Variants in MACROD2 observed in about 807,000 individuals in gnomAD.
MACROD2 encodes mono-ADP ribosylhydrolase 2.
MACROD2 carries 36 observed loss-of-function variants against 70.4 expected under a neutral mutation model. The ratio of observed to expected loss-of-function variants is 0.51; its 90% confidence interval spans 0.39 to 0.68. The LOEUF is 0.68. MACROD2 is among the 30% of genes least tolerant of loss of function. The pLI is 0.00. For synonymous variants in MACROD2, 172 were observed against 178.8 expected, an observed-to-expected ratio of 0.96 and a Z score of 0.30; for missense variants, 496 against 538.4, an observed-to-expected ratio of 0.92 and a Z score of 0.78.
intron 8 of MACROD2, among the ~76,000 whole-genome samples, chr20:15,594,285 T>G (rs1463945076): frequency 6.6e-6 from 1 of 152,214 alleles, no homozygotes; most frequent in Admixed American, 6.5e-5. Flanking sequence ...AAGGCCTATT[T>G]GTGTTGCTGG....
rs143227175 is a variant in MACROD2, at chr20:14,143,961, C to T, written c.271+58233C>T. Among the ~76,000 whole-genome samples the T allele has an allele frequency of 8.4e-4, 128 of 152,256 alleles. 1 individual carries two copies. Among genetic ancestry groups the T allele is most frequent in the African/African-American group, 2.9e-3 (122 of 41,574 alleles). On this transcript the variant is annotated intron_variant, in intron 3 of 17. Coordinates refer to ENST00000684519, the MANE Select transcript of MACROD2 (RefSeq NM_001351661.2). ...CAAAATAATTAAGGTAATCAAGCCT[C>T]ACACTGGGCAAAGGTTTTTTTCCCT...
chr20:14,531,990 G>A lies in MACROD2; in HGVS notation c.301+38482G>A, dbSNP rs572467350. Reference sequence around the variant, plus strand: ...GCCAGCACTCGACGTTCACTGTGTGGACACATTCCAATGAGTTTTGTTTTT... The same window carrying A: ...GCCAGCACTCGACGTTCACTGTGTGAACACATTCCAATGAGTTTTGTTTTT... On this transcript the variant is annotated intron_variant, in intron 4 of 17. Transcript: ENST00000684519. Among the ~76,000 whole-genome samples, 13 of 152,244 alleles carry A rather than the reference G, an allele frequency of 8.5e-5. No individual in the cohort carries two copies. The East Asian group carries it at 2.5e-3, about 29-fold the overall frequency.
chr20:14,643,812 A>G (rs533250439), intron 4 of MACROD2, among the ~76,000 whole-genome samples: 2 of 152,268 alleles, frequency 1.3e-5, no homozygotes, highest in Admixed American at 6.5e-5. Flanking sequence ...ATGCCACAGT[A>G]CCTGAAACCT....
chr20:15,782,325 C>G (rs530266488), intron 8 of MACROD2, among the ~76,000 whole-genome samples: 14 of 152,124 alleles, frequency 9.2e-5, no homozygotes, highest in African/African-American at 3.4e-4. Flanking sequence ...CAAATACTTA[C>G]TATTTTCTTC....
At chr20:14,431,184 T>G in intron 3 of MACROD2, among the ~76,000 whole-genome samples, 1 of 152,062 alleles carries the variant, frequency 6.6e-6, no homozygotes, top group East Asian at 1.9e-4. Flanking sequence ...ATACATAAAT[T>G]TAATAATAGC....
intron 3 of MACROD2, among the ~76,000 whole-genome samples, chr20:14,482,178 C>T (rs1025470054): frequency 7.2e-5 from 11 of 151,726 alleles, no homozygotes; most frequent in African/African-American, 2.7e-4. Context: ...GCCAGGTCAG[C>T]TTCTGCATGA....
intron 3 of MACROD2, among the ~76,000 whole-genome samples, chr20:14,482,056 C>T (rs1236632030): frequency 1.3e-5 from 2 of 152,126 alleles, no homozygotes; most frequent in East Asian, 1.9e-4. Context: ...ATGAATCATA[C>T]AAGAGCTCAT....
intron 3 of MACROD2, chr20:14,337,638 T>G (rs2082963065): frequency 2.5e-6 from 1 of 398,372 alleles, no homozygotes; most frequent in East Asian, 3.6e-5. Flanking sequence ...GTCTGAAGTT[T>G]AAAGCTTCAC....
At chr20:14,156,646 A>G (rs1307811670) in intron 3 of MACROD2, among the ~76,000 whole-genome samples, 2 of 152,142 alleles carry the variant, frequency 1.3e-5, no homozygotes, top group Non-Finnish European at 2.9e-5. Context: ...TGCTGTTTTT[A>G]TATTTAAATT....
chr20:15,518,593 G>A (rs1331502538), intron 8 of MACROD2, among the ~76,000 whole-genome samples: 2 of 151,244 alleles, frequency 1.3e-5, no homozygotes, highest in African/African-American at 2.5e-5. Flanking sequence ...AGGAGAAGAG[G>A]GAAGAAGAAA....
At chr20:15,095,013 G>A (rs2075818187) in intron 5 of MACROD2, among the ~76,000 whole-genome samples, 1 of 148,528 alleles carries the variant, frequency 6.7e-6, no homozygotes, top group South Asian at 2.1e-4. Context: ...CCTGTACAGT[G>A]AGACCATGGG....
intron 15 of MACROD2, among the ~76,000 whole-genome samples, chr20:16,019,413 A>G (rs1325940880): frequency 6.6e-6 from 1 of 152,148 alleles, no homozygotes. Context: ...TGGATGTTGC[A>G]AGGAAAAGGA....
At chr20:15,491,696 G>A (rs552951818) in intron 7 of MACROD2, among the ~76,000 whole-genome samples, 29 of 152,282 alleles carry the variant, frequency 1.9e-4, no homozygotes, top group Middle Eastern at 3.4e-3. Flanking sequence ...GAATGTTTTG[G>A]GGGTGCCTTG....
chr20:14,526,345 G>A (rs2085232259), intron 4 of MACROD2, among the ~76,000 whole-genome samples: 1 of 151,734 alleles, frequency 6.6e-6, no homozygotes, highest in Non-Finnish European at 1.5e-5. Flanking sequence ...AAACAGGATG[G>A]GTAAAAAGGA....
intron 4 of MACROD2, among the ~76,000 whole-genome samples, chr20:14,605,387 C>T (rs1982737772): frequency 5.3e-5 from 2 of 37,820 alleles, no homozygotes. Flanking sequence ...TATACCTGCT[C>T]AGGTGTCCAA....
rs190327130 is a variant in MACROD2 at position 15,723,189 on chromosome 20, G to T, written c.646-139556G>T. On this transcript the variant is annotated intron_variant, in intron 8 of 17. Transcript: ENST00000684519. Reference sequence around the variant, plus strand: ...TGAGAGGAAGGCACAGAGATTTCTTGTGTACCCACCACCCCCACACAAACA... The same window carrying T: ...TGAGAGGAAGGCACAGAGATTTCTTTTGTACCCACCACCCCCACACAAACA... 2.8e-3 allele frequency among the ~76,000 whole-genome samples: 424 copies of T among 152,230 alleles called. 2 individuals carry two copies. Among genetic ancestry groups the T allele is most frequent in the Middle Eastern group, 6.8e-3 (2 of 294 alleles).
chr20:14,190,446 A>G (rs1424538274), intron 3 of MACROD2, among the ~76,000 whole-genome samples: 3 of 151,728 alleles, frequency 2.0e-5, no homozygotes, highest in Admixed American at 2.0e-4. Flanking sequence ...TTGATTATCC[A>G]TGCTAACATG....
intron 4 of MACROD2, among the ~76,000 whole-genome samples, chr20:14,618,113 A>AT (rs5840628): frequency 1 from 151,643 of 151,698 alleles, 75,794 homozygotes; most frequent in Middle Eastern, 1. Flanking sequence ...ATCCCTATGA[A>AT]TTTTTTTTTC....
intron 3 of MACROD2, among the ~76,000 whole-genome samples, chr20:14,487,774 T>A (rs954849616): frequency 2.6e-5 from 4 of 152,176 alleles, no homozygotes. Context: ...TAGCCCCAAG[T>A]CCTTTTCATT....
Sources: gnomAD v4.1 joint callset for allele counts (sites outside exome capture counted in the v4.1 genomes callset) on GRCh38, gnomAD v4.1.1 for gene constraint, MANE v1.5 for transcripts, NCBI Gene and HGNC (gene_info 2026-07-23, HGNC 2026-07-21) for gene names.